ANKUB1: variants seen among roughly 807,000 people sequenced by gnomAD.
ANKUB1 encodes protein ANKUB1.
ANKUB1 carries 42 observed loss-of-function variants against 49.3 expected under a neutral mutation model. That is an observed-to-expected ratio of 0.85 (90% CI 0.67 to 1.10). The LOEUF is 1.10. Among genes scored for constraint, ANKUB1 ranks in the 50% least tolerant of loss-of-function variants. ANKUB1 has a pLI of 0.00. For missense variants in ANKUB1, 613 were observed against 642.0 expected (o/e 0.95, Z 0.49); for synonymous variants, 222 against 231.0 (o/e 0.96, Z 0.35).
chr3:149,786,334 C>T (rs889533474), intron 2 of ANKUB1, among the ~76,000 whole-genome samples: 1 of 152,088 alleles, frequency 6.6e-6, no homozygotes, highest in Non-Finnish European at 1.5e-5. Context: ...CGCTCCCAGC[C>T]TGATGAGCAT....
chr3:149,768,186 T>C lies in ANKUB1; in HGVS notation c.567-91A>G, dbSNP rs1224929296. On this transcript the variant is annotated intron_variant, in intron 4 of 5. Transcript: ENST00000446160. ...ACTAAATGCTCATGAAATATTCTAG[T>C]TGAATGTTTATTTCTTCTTAACTTT... 3.2e-6 allele frequency: 3 copies of C among 940,944 alleles called. No individual in the cohort carries two copies. The East Asian group carries it at 8.4e-5, about 26-fold the overall frequency. The allele number at this position is 940,944 out of a possible 1,614,324, so 58.3% of individuals were successfully genotyped here.
chr3:149,776,191 G>C (rs1391526674), intron 3 of ANKUB1, among the ~76,000 whole-genome samples: 1 of 151,972 alleles, frequency 6.6e-6, no homozygotes, highest in Non-Finnish European at 1.5e-5. Flanking sequence ...AATTGTCTTT[G>C]GACTTTTACC....
rs1209087793 is a variant in ANKUB1 at position 149,767,928 on chromosome 3, T to C, written c.734A>G (p.His245Arg). ...LHADVSKCPI[H>R]AAAEAGQLLI... Reference sequence around the variant, plus strand: ...CAGTTGGCCTGCTTCTGCGGCTGCATGAATGGGGCATTTAGAGACATCTGC... The same window carrying C: ...CAGTTGGCCTGCTTCTGCGGCTGCACGAATGGGGCATTTAGAGACATCTGC... The change falls in exon 5 of 6, where the codon CAT (histidine) becomes CGT (arginine). Residue 245 changes from histidine (H) to arginine (R), a missense_variant. Physicochemically the swap from His to Arg is conservative, Grantham distance 29 (BLOSUM62 0). Transcript: ENST00000446160. The C allele has an allele frequency of 6.5e-7, 1 of 1,549,998 alleles. No individual in the cohort carries two copies. Among genetic ancestry groups the C allele is most frequent in the Non-Finnish European group, 8.7e-7 (1 of 1,145,516 alleles).
At chr3:149,779,002 ATT>A (rs1455153967) in intron 3 of ANKUB1, 1 of 152,188 alleles carries the variant, frequency 6.6e-6, no homozygotes, top group Non-Finnish European at 1.5e-5. Flanking sequence ...GGTTCTAACC[ATT>A]TTTAAAAAGT....
chr3:149,761,976 G>C (rs985996393), intron 5 of ANKUB1, among the ~76,000 whole-genome samples: 2 of 151,970 alleles, frequency 1.3e-5, no homozygotes, highest in Non-Finnish European at 2.9e-5. Context: ...ACACACATGA[G>C]GATTTTTTAA....
At chr3:149,781,369 C>A (rs569220023) in intron 2 of ANKUB1, among the ~76,000 whole-genome samples, 3 of 152,274 alleles carry the variant, frequency 2.0e-5, no homozygotes, top group South Asian at 2.1e-4. Context: ...AGATTATTAT[C>A]ATTTCCACTT....
At chr3:149,767,133 G>C in intron 5 of ANKUB1, 24 bp downstream of exon 5, 1 of 1,479,652 alleles carries the variant, frequency 6.8e-7, no homozygotes, top group Non-Finnish European at 9.0e-7. Context: ...TTTGCTGTTT[G>C]TATGTTTAAG....
At chr3:149,791,186 A>T (rs529066401) in intron 1 of ANKUB1, among the ~76,000 whole-genome samples, 38 of 152,306 alleles carry the variant, frequency 2.5e-4, no homozygotes, top group Non-Finnish European at 5.0e-4. Context: ...GTAGGCAGCA[A>T]ATTAAAGTAG....
intron 5 of ANKUB1, among the ~76,000 whole-genome samples, chr3:149,764,937 C>T (rs1716947167): frequency 6.6e-6 from 1 of 151,712 alleles, no homozygotes. Flanking sequence ...ATAAATTTAT[C>T]CTATGACCCG....
intron 5 of ANKUB1, among the ~76,000 whole-genome samples, chr3:149,764,585 TCC>T (rs1716917475): frequency 1.4e-5 from 1 of 72,472 alleles, no homozygotes; most frequent in Admixed American, 1.7e-4. Flanking sequence ...CCTCCCTCCC[TCC>T]CTCCCTTCCT....
intron 2 of ANKUB1, among the ~76,000 whole-genome samples, chr3:149,781,000 C>A (rs1717842238): frequency 7.1e-6 from 1 of 140,788 alleles, no homozygotes; most frequent in South Asian, 2.2e-4. Context: ...TGTCTGTCTT[C>A]CTTTTTTTTT....
chr3:149,792,317 G>A lies in ANKUB1; in HGVS notation c.50C>T (p.Ser17Leu). Residue 17 changes from serine (S) to leucine (L), a missense_variant, in exon 1 of 6, where the codon TCA becomes TTA. Transcript: ENST00000446160. Reference sequence around the variant, plus strand: ...GACAACCTCCACAGTTTCATCTGCTGAAACATCAAACGGTTCAAAAGATCC... The same window carrying A: ...GACAACCTCCACAGTTTCATCTGCTAAAACATCAAACGGTTCAAAAGATCC... ...FEGSFEPFDV[S>L]ADETVEVVKL... The A allele has an allele frequency of 1.3e-6, 2 of 1,533,386 alleles. No individual in the cohort carries two copies. Among genetic ancestry groups the A allele is most frequent in the Middle Eastern group, 3.4e-4 (2 of 5,916 alleles). The allele number at this position is 1,533,386 out of a possible 1,614,324, so 95.0% of individuals were successfully genotyped here. A position where few individuals can be genotyped will look rare whatever the true frequency, so the allele number is the denominator to read the frequency against.
rs1716773686 is a variant in ANKUB1, at chr3:149,761,305, T to G, written c.*179A>C. On this transcript the variant is annotated 3_prime_UTR_variant, in exon 6 of 6. Coordinates refer to ENST00000446160, the MANE Select transcript of ANKUB1 (RefSeq NM_001144960.3). ...TCTTTATGCAAAAATAGCACTAAAGTTTCACTTAGTGTGATGAAGTCTGAG... is the reference window on the plus strand; with the variant it reads ...TCTTTATGCAAAAATAGCACTAAAGGTTCACTTAGTGTGATGAAGTCTGAG... The G allele has an allele frequency of 1.5e-6, 1 of 659,026 alleles. No homozygotes were observed. Among genetic ancestry groups the G allele is most frequent in the African/African-American group, 1.8e-5 (1 of 54,974 alleles). The allele number at this position is 659,026 out of a possible 1,614,324, so 40.8% of individuals were successfully genotyped here.
In ANKUB1 at chr3:149,790,911, A is replaced by G; in HGVS notation, c.104T>C (p.Ile35Thr). The change falls in exon 2 of 6, where the codon ATT becomes ACT. Residue 35 changes from isoleucine (I) to threonine (T), a missense_variant. By Grantham distance (89) the Ile-to-Thr change is moderately conservative. Transcript: ENST00000446160. ...GCCTTGTTTGTCTTCAGAGAGAGGAATGTGGAAATAATCCTTAAAAATCAA... is the reference window on the plus strand; with the variant it reads ...GCCTTGTTTGTCTTCAGAGAGAGGAGTGTGGAAATAATCCTTAAAAATCAA... Reference protein sequence around the residue: ...VKLMIKDYFHIPLSEDKQGRR... With the variant: ...VKLMIKDYFHTPLSEDKQGRR... 1 of 1,551,610 alleles carries G rather than the reference A, an allele frequency of 6.4e-7. No individual in the cohort carries two copies. Among genetic ancestry groups the G allele is most frequent in the Non-Finnish European group, 8.7e-7 (1 of 1,146,908 alleles).
At chr3:149,780,791 AG>A (rs1305216849) in intron 2 of ANKUB1, among the ~76,000 whole-genome samples, 1 of 152,196 alleles carries the variant, frequency 6.6e-6, no homozygotes, top group Admixed American at 6.6e-5. Flanking sequence ...TCTGTTGTGC[AG>A]TACTTTAATT....
At chr3:149,785,122 CACCATCAGCAATAAATCGTCAGG>C (rs1182735326) in intron 2 of ANKUB1, among the ~76,000 whole-genome samples, 2 of 152,132 alleles carry the variant, frequency 1.3e-5, no homozygotes, top group African/African-American at 4.8e-5. Flanking sequence ...TGAACCGCAA[CACCATCAGCAATAAATCGTCAGG>C]ACTGGCTCCT....
rs1242994116 is a variant in ANKUB1 at position 149,767,367 on chromosome 3, G to T, written c.1295C>A (p.Ala432Asp). ...GAGCTTTTCTTTTTTCCTAGCTGTG[G>T]CAGTAATTTTTTTCTGATTTTGTTG... Reference protein sequence around the residue: ...HQQQNQKKITATARKKEKLIK... With the variant: ...HQQQNQKKITDTARKKEKLIK... The change falls in exon 5 of 6, where the codon GCC becomes GAC. Residue 432 changes from alanine to aspartate, a missense_variant. Physicochemically the swap from Ala to Asp is moderately radical, Grantham distance 126. Transcript: ENST00000446160. 6.4e-7 allele frequency: 1 copy of T among 1,550,904 alleles called. No homozygotes were observed. Among genetic ancestry groups the T allele is most frequent in the Non-Finnish European group, 8.7e-7 (1 of 1,146,846 alleles).
intron 2 of ANKUB1, among the ~76,000 whole-genome samples, chr3:149,787,053 C>T (rs543990299): frequency 3.9e-5 from 6 of 152,112 alleles, no homozygotes; most frequent in South Asian, 2.1e-4. Context: ...CTTGGCAATG[C>T]GGGCTCTTTT....
intron 2 of ANKUB1, among the ~76,000 whole-genome samples, chr3:149,790,510 G>A (rs369950483): frequency 2.0e-5 from 3 of 152,022 alleles, no homozygotes; most frequent in African/African-American, 4.8e-5. Context: ...TTTTCATATC[G>A]GTTCTGAGAT....
Sources: gnomAD v4.1 joint callset for allele counts (sites outside exome capture counted in the v4.1 genomes callset) on GRCh38, gnomAD v4.1.1 for gene constraint, MANE v1.5 for transcripts, NCBI Gene and HGNC (gene_info 2026-07-23, HGNC 2026-07-21) for gene names.